The following ZFYVE1 variants were observed in gnomAD, a reference collection of about 807,000 sequenced individuals.
ZFYVE1 encodes zinc finger FYVE-type containing 1, also known as zinc finger FYVE domain-containing protein 1.
A neutral mutation model predicts 74.4 loss-of-function variants in ZFYVE1; 30 were observed. The observed-to-expected ratio is 0.40, with a 90% confidence interval of 0.30 to 0.55. The LOEUF (loss-of-function observed/expected upper bound fraction) is 0.55, where lower values mean the gene tolerates loss of function less well. Ranked by LOEUF, ZFYVE1 falls within the 20% of genes least tolerant of loss-of-function variation. ZFYVE1 has a pLI of 0.42. For synonymous variants in ZFYVE1, 335 were observed against 385.1 expected, an observed-to-expected ratio of 0.87 and a Z score of 1.52; for missense variants, 703 against 1,011.6, an observed-to-expected ratio of 0.69 and a Z score of 4.14.
chr14:72,973,488 C>CA (rs1041319737), intron 11 of ZFYVE1, among the ~76,000 whole-genome samples: 1 of 149,414 alleles, frequency 6.7e-6, no homozygotes, highest in African/African-American at 2.5e-5. Flanking sequence ...GACTCCATCT[C>CA]AAAAAAACAA....
Position 72,975,159 on chromosome 14 carries a change from G to A in ZFYVE1, c.1807-200C>T. On this transcript the variant is annotated intron_variant, in intron 9 of 11. Coordinates refer to ENST00000556143, the MANE Select transcript of ZFYVE1 (RefSeq NM_021260.4). This position sits in a 1 kb window ranked among gnomAD's most constrained non-coding sequence, Gnocchi z 4.1. ...GACAGTGAGTTTCCTTTCACTAAGTGTCTGGGTTGAAGCTGGGTGCTCTCT... is the reference window on the plus strand; with the variant it reads ...GACAGTGAGTTTCCTTTCACTAAGTATCTGGGTTGAAGCTGGGTGCTCTCT... 1 of 595,344 alleles carries A rather than the reference G, an allele frequency of 1.7e-6. No individual in the cohort carries two copies. Among genetic ancestry groups the A allele is most frequent in the Non-Finnish European group, 2.8e-6 (1 of 355,992 alleles). 36.9% of individuals were successfully genotyped at this position (595,344 alleles called of 1,614,324 possible).
chr14:73,023,224 TTA>T (rs1359685721), intron 2 of ZFYVE1, among the ~76,000 whole-genome samples: 2,332 of 125,458 alleles, frequency 0.019, 184 homozygotes, highest in Non-Finnish European at 0.032. Flanking sequence ...AATATATATT[TTA>T]TATGTTTTAT....
Position 72,993,233 on chromosome 14 carries a change from A to G in ZFYVE1, c.1113T>C (p.Phe371=), listed in dbSNP as rs1400779174. 3 of 1,613,702 alleles carry G rather than the reference A, an allele frequency of 1.9e-6. No homozygotes were observed. The highest frequency in any genetic ancestry group is 1.1e-5 in the South Asian group (1 of 91,070). Residue 371 remains phenylalanine (F), a synonymous_variant, in exon 4 of 12, where the codon TTT becomes TTC. Coordinates refer to ENST00000556143, the MANE Select transcript of ZFYVE1 (RefSeq NM_021260.4). ...GCTCCAAAGCACGCCGAAGCCCAGA[A>G]AAGTCCGTGGGAGGGTTGTAAGTCC... ...GTRTYNPPTD[F]SGLRRALEQL...
In ZFYVE1 at chr14:72,971,023, C is replaced by G; in HGVS notation, c.2193G>C (p.Lys731Asn). The G allele has an allele frequency of 6.2e-7, 1 of 1,614,230 alleles. No individual in the cohort carries two copies. Among genetic ancestry groups the G allele is most frequent in the Non-Finnish European group, 8.5e-7 (1 of 1,180,054 alleles). ...CHNCRKEFSIKLSKHHCRACG... is the reference protein window; with the variant it reads ...CHNCRKEFSINLSKHHCRACG... ...AGGCCCGGCAGTGGTGCTTGGAGAG[C>G]TTGATGCTGAACTCCTTCCGGCAGT... The change falls in exon 12 of 12, where the codon AAG (lysine) becomes AAC (asparagine). Residue 731 changes from lysine to asparagine, a missense_variant. By Grantham distance (94) the Lys-to-Asn change is moderately conservative (BLOSUM62 0). Transcript: ENST00000556143.
chr14:73,005,396 G>A (rs914366644), intron 2 of ZFYVE1, among the ~76,000 whole-genome samples: 1 of 152,084 alleles, frequency 6.6e-6, no homozygotes, highest in Non-Finnish European at 1.5e-5. Context: ...CCCTGAGCTC[G>A]GCCAACTGGC....
intron 4 of ZFYVE1, among the ~76,000 whole-genome samples, chr14:72,992,849 A>G (rs977832443): frequency 6.6e-6 from 1 of 152,228 alleles, no homozygotes; most frequent in Non-Finnish European, 1.5e-5. Context: ...GTGAGACTCA[A>G]CATGACACCA....
At chr14:72,976,340 T>C (rs1893168961) in intron 8 of ZFYVE1, among the ~76,000 whole-genome samples, 3 of 152,150 alleles carry the variant, frequency 2.0e-5, no homozygotes, top group Admixed American at 2.0e-4. Flanking sequence ...ATAAACTATC[T>C]TACCACCTTT....
chr14:73,024,619 G>A lies in ZFYVE1; in HGVS notation c.-111C>T. On this transcript the variant is annotated 5_prime_UTR_variant, in exon 2 of 12. Transcript: ENST00000556143. ...CTGCACGAAACTTCCACAGGGTTCT[G>A]AACACTTTAAAAAAGAACACCTTTC... 7.0e-7 allele frequency: 1 copy of A among 1,431,466 alleles called. No individual in the cohort carries two copies. Among genetic ancestry groups the A allele is most frequent in the South Asian group, 1.5e-5 (1 of 66,524 alleles). The allele number at this position is 1,431,466 out of a possible 1,614,324, so 88.7% of individuals were successfully genotyped here.
intron 2 of ZFYVE1, among the ~76,000 whole-genome samples, chr14:73,006,996 A>T (rs2140376529): frequency 1.3e-5 from 2 of 152,176 alleles, no homozygotes; most frequent in South Asian, 4.1e-4. Flanking sequence ...TACAGGGATA[A>T]GCCACTGCGC....
chr14:73,005,526 T>C (rs1051079640), intron 2 of ZFYVE1, among the ~76,000 whole-genome samples: 1 of 152,200 alleles, frequency 6.6e-6, no homozygotes, highest in African/African-American at 2.4e-5. Context: ...CCAAGCTTGC[T>C]AGGCCTCAGG....
chr14:72,970,926 C>A lies in ZFYVE1; in HGVS notation c.2290G>T (p.Val764Phe). ...TTATTGCAGTTGAAGCAGACTCGGA[C>A]GGGATGGTCCCAGCCACGAGAAGGA... ...AVPSRGWDHP[V>F]RVCFNCNKKP... The change falls in exon 12 of 12, where the codon GTC becomes TTC. Residue 764 changes from valine to phenylalanine, a missense_variant. By Grantham distance (50) the Val-to-Phe change is conservative (BLOSUM62 -1). Transcript: ENST00000556143. The A allele has an allele frequency of 6.2e-7, 1 of 1,614,210 alleles. No homozygotes were observed. Among genetic ancestry groups the A allele is most frequent in the Non-Finnish European group, 8.5e-7 (1 of 1,180,048 alleles).
intron 3 of ZFYVE1, among the ~76,000 whole-genome samples, chr14:72,994,121 G>A (rs1037558524): frequency 6.6e-6 from 1 of 150,822 alleles, no homozygotes; most frequent in Non-Finnish European, 1.5e-5. Context: ...TCGGGAGTTC[G>A]AGACCAGCCT....
intron 5 of ZFYVE1, among the ~76,000 whole-genome samples, chr14:72,981,190 T>G (rs1893321536): frequency 6.6e-6 from 1 of 152,198 alleles, no homozygotes. Flanking sequence ...GGCTGCACTT[T>G]AGAATCCTCT....
Position 73,024,532 on chromosome 14 carries a change from C to T in ZFYVE1, c.-24G>A, listed in dbSNP as rs369538703. On this transcript the variant is annotated 5_prime_UTR_variant, in exon 2 of 12. In the 5' UTR this introduces an upstream ATG that the reference lacks. Coordinates refer to ENST00000556143, the MANE Select transcript of ZFYVE1 (RefSeq NM_021260.4). ...ATACTCACGCTGGTAAGGAAACACA[C>T]CCACCATATAATAGTCACTGAGCTT... 6.4e-7 allele frequency: 1 copy of T among 1,570,940 alleles called. No homozygotes were observed. The highest frequency in any genetic ancestry group is 1.2e-5 in the South Asian group (1 of 83,818).
chr14:72,971,188 G>A (rs139379667), intron 11 of ZFYVE1, 74 bp from the exon 12 acceptor site: 28 of 1,478,174 alleles, frequency 1.9e-5, no homozygotes, highest in African/African-American at 1.4e-4. Context: ...GGCCATCCTC[G>A]GATGCTTACT....
chr14:73,015,398 A>G (rs1379156136), intron 2 of ZFYVE1, among the ~76,000 whole-genome samples: 4 of 1,812 alleles, frequency 2.2e-3, no homozygotes, highest in Non-Finnish European at 5.5e-3. Context: ...GGAAGAGGGG[A>G]AGGAAGGGGG....
In ZFYVE1 at chr14:72,975,237, C is replaced by G; in HGVS notation, c.1807-278G>C. On this transcript the variant is annotated intron_variant, in intron 9 of 11. Coordinates refer to ENST00000556143, the MANE Select transcript of ZFYVE1 (RefSeq NM_021260.4). The surrounding 1 kb of genome is among the most constrained non-coding windows in gnomAD (Gnocchi z 4.1). ...TCAAGCTGAGGATGACCCTAAATAA[C>G]CTCTAAAGACCCCTTTTCCTCCAGA... 1 of 505,766 alleles carries G rather than the reference C, an allele frequency of 2.0e-6. No homozygotes were observed. The highest frequency in any genetic ancestry group is 3.5e-6 in the Non-Finnish European group (1 of 289,688). 31.3% of individuals were successfully genotyped at this position (505,766 alleles called of 1,614,324 possible).
chr14:73,019,864 T>C (rs992491735), intron 2 of ZFYVE1, among the ~76,000 whole-genome samples: 1 of 151,458 alleles, frequency 6.6e-6, no homozygotes, highest in Admixed American at 6.6e-5. Flanking sequence ...CGCAGGAGAA[T>C]CACTTGAACC....
intron 2 of ZFYVE1, among the ~76,000 whole-genome samples, chr14:73,006,523 C>T (rs770816541): frequency 1.3e-5 from 2 of 151,332 alleles, no homozygotes; most frequent in African/African-American, 2.4e-5. Flanking sequence ...TGCAGTGAGC[C>T]GAGATTGCAC....
Sources: allele counts gnomAD v4.1 joint callset (sites outside exome capture counted in the v4.1 genomes callset), GRCh38; gene constraint gnomAD v4.1.1; non-coding constraint Gnocchi (gnomAD v3.1); transcripts MANE v1.5; gene names NCBI Gene and HGNC (gene_info 2026-07-23, HGNC 2026-07-21).